The following MIB1 variants were observed in gnomAD, a reference collection of about 807,000 sequenced individuals.
MIB1 encodes E3 ubiquitin-protein ligase MIB1.
MIB1 carries 278 observed loss-of-function variants against 124.5 expected under a neutral mutation model. The observed-to-expected ratio is 2.23, with a 90% CI of 2.02 to 2.47. MIB1 has a LOEUF of 2.47. Ranked by LOEUF, MIB1 falls within the 30% of genes most tolerant of loss-of-function variation. The pLI is 0.00. For missense variants in MIB1, 957 were observed against 1,254.4 expected, an observed-to-expected ratio of 0.76 and a Z score of 3.58; for synonymous variants, 446 against 429.4, an observed-to-expected ratio of 1.04 and a Z score of -0.48.
chr18:21,759,278 T>C (rs965670383), intron 1 of MIB1, among the ~76,000 whole-genome samples: 3 of 151,962 alleles, frequency 2.0e-5, no homozygotes, highest in African/African-American at 4.8e-5. Flanking sequence ...AGTTTGGCTT[T>C]GTAGCCCAGG....
At chr18:21,791,908 TG>T (rs2041509238) in intron 7 of MIB1, among the ~76,000 whole-genome samples, 1 of 152,212 alleles carries the variant, frequency 6.6e-6, no homozygotes. Context: ...TTTCCTGATG[TG>T]GGGGCCTGCC....
intron 3 of MIB1, among the ~76,000 whole-genome samples, chr18:21,773,245 CAA>C (rs1395440524): frequency 6.6e-6 from 1 of 152,094 alleles, no homozygotes; most frequent in African/African-American, 2.4e-5. Flanking sequence ...GCCCGGGCGA[CAA>C]GAGCGAGATT....
rs770717969 is a variant in MIB1 at position 21,778,102 on chromosome 18, G to A, written c.637-1G>A. 1.9e-6 allele frequency: 3 copies of A among 1,610,332 alleles called. No individual in the cohort carries two copies. Among genetic ancestry groups the A allele is most frequent in the Non-Finnish European group, 2.5e-6 (3 of 1,176,982 alleles). ...ATTTTTCTGGTTTCTTTTCTTCTTA[G>A]TCTGATCTGAAATGTGTCCAGGATG... is the stretch of plus-strand genomic sequence containing the variant. On this transcript the variant is annotated splice_acceptor_variant, in intron 4 of 20. Transcript: ENST00000261537. LOFTEE classifies it high-confidence loss of function.
At chr18:21,787,648 C>A (rs927405268) in intron 6 of MIB1, among the ~76,000 whole-genome samples, 4 of 151,910 alleles carry the variant, frequency 2.6e-5, no homozygotes, top group Admixed American at 2.6e-4. Context: ...TACAGAAATT[C>A]GTTTCTTTTA....
intron 12 of MIB1, chr18:21,828,287 C>T (rs564847407): frequency 6.6e-6 from 1 of 151,784 alleles, no homozygotes; most frequent in African/African-American, 2.4e-5. Flanking sequence ...ACCAATATAC[C>T]CTGCTGACTT....
intron 20 of MIB1, among the ~76,000 whole-genome samples, chr18:21,861,006 T>C (rs2042271921): frequency 6.6e-6 from 1 of 152,022 alleles, no homozygotes. Flanking sequence ...GCCACTACAC[T>C]CCATCCCAGA....
At chr18:21,804,568 C>T (rs992316616) in intron 10 of MIB1, among the ~76,000 whole-genome samples, 1 of 152,198 alleles carries the variant, frequency 6.6e-6, no homozygotes, top group Non-Finnish European at 1.5e-5. Context: ...GGAGTCTTGA[C>T]TGGGGATCTC....
chr18:21,855,793 A>AT (rs971308407), intron 18 of MIB1, among the ~76,000 whole-genome samples: 25 of 152,116 alleles, frequency 1.6e-4, no homozygotes, highest in Non-Finnish European at 3.5e-4. Context: ...TATTTTTCCC[A>AT]TTTTTGAAAT....
At chr18:21,815,021 ATATATATAT>A (rs937067918) in intron 10 of MIB1, among the ~76,000 whole-genome samples, 2 of 93,850 alleles carry the variant, frequency 2.1e-5, no homozygotes, top group African/African-American at 1.4e-4. Flanking sequence ...TTATATATAT[ATATATATAT>A]ATATATATAT....
At chr18:21,751,000 C>G (rs2040968339) in intron 1 of MIB1, among the ~76,000 whole-genome samples, 1 of 151,858 alleles carries the variant, frequency 6.6e-6, no homozygotes, top group Non-Finnish European at 1.5e-5. Context: ...GATTTGAGAC[C>G]AGCCTGGACA....
intron 12 of MIB1, among the ~76,000 whole-genome samples, chr18:21,837,134 T>C (rs2042040853): frequency 6.6e-6 from 1 of 152,202 alleles, no homozygotes; most frequent in South Asian, 2.1e-4. Flanking sequence ...CAAACAGTGA[T>C]TGTTACTCAG....
intron 1 of MIB1, among the ~76,000 whole-genome samples, chr18:21,723,601 C>T (rs750175585): frequency 1.3e-5 from 2 of 152,040 alleles, no homozygotes; most frequent in Non-Finnish European, 1.5e-5. Context: ...CTGCAACCTC[C>T]GCCTCCTGGG....
At chr18:21,789,925 C>T (rs751826981) in intron 6 of MIB1, among the ~76,000 whole-genome samples, 15 of 152,126 alleles carry the variant, frequency 9.9e-5, no homozygotes, top group Non-Finnish European at 1.6e-4. Flanking sequence ...AACCTTTACT[C>T]TTGGAGTTCA....
At chr18:21,764,272 C>A (rs916174881) in intron 1 of MIB1, among the ~76,000 whole-genome samples, 3 of 152,112 alleles carry the variant, frequency 2.0e-5, no homozygotes, top group African/African-American at 7.2e-5. Flanking sequence ...TGCCTTCCCT[C>A]CCTCTTCCTT....
At chr18:21,756,770 T>C (rs1454886863) in intron 1 of MIB1, among the ~76,000 whole-genome samples, 1 of 152,216 alleles carries the variant, frequency 6.6e-6, no homozygotes, top group Non-Finnish European at 1.5e-5. Flanking sequence ...GGAGTCAAAA[T>C]GTATTTTCTT....
At position 21,741,986 on chromosome 18, in the gene MIB1, A is replaced by G. The variant is rs981082553; in HGVS notation, c.229+174A>G. ...AATTCTAGGTTCCGAACGGGTGAAC[A>G]AACACTTTCAGAAAAGACCCTCTAC... On this transcript the variant is annotated intron_variant, in intron 1 of 20. Coordinates refer to ENST00000261537, the MANE Select transcript of MIB1 (RefSeq NM_020774.4). The surrounding 1 kb of genome is among the most constrained non-coding windows in gnomAD (Gnocchi z 5.4). 2.6e-5 allele frequency among the ~76,000 whole-genome samples: 4 copies of G among 152,224 alleles called. No individual in the cohort carries two copies. Among genetic ancestry groups the G allele is most frequent in the African/African-American group, 9.6e-5 (4 of 41,462 alleles).
intron 10 of MIB1, among the ~76,000 whole-genome samples, chr18:21,813,760 C>T (rs2041800184): frequency 6.6e-6 from 1 of 152,146 alleles, no homozygotes; most frequent in South Asian, 2.1e-4. Flanking sequence ...TTCAGATAAT[C>T]CTGGGTGCCA....
At chr18:21,784,775 C>T (rs1370189555) in intron 6 of MIB1, among the ~76,000 whole-genome samples, 1 of 152,130 alleles carries the variant, frequency 6.6e-6, no homozygotes, top group Non-Finnish European at 1.5e-5. Flanking sequence ...AACGCCAGTG[C>T]CTGGGAAGGC....
At chr18:21,855,818 A>G (rs1418839140) in intron 18 of MIB1, among the ~76,000 whole-genome samples, 7 of 152,214 alleles carry the variant, frequency 4.6e-5, no homozygotes, top group Admixed American at 2.0e-4. Context: ...AAGACACTTG[A>G]TATGTAGGCT....
Sources: gnomAD v4.1 joint callset for allele counts (sites outside exome capture counted in the v4.1 genomes callset) on GRCh38, gnomAD v4.1.1 for gene constraint, Gnocchi (gnomAD v3.1) non-coding constraint, MANE v1.5 for transcripts, NCBI Gene and HGNC (gene_info 2026-07-23, HGNC 2026-07-21) for gene names.